SYT1: variants seen among roughly 807,000 people sequenced by gnomAD.
The protein encoded by SYT1 is synaptotagmin 1.
Under a neutral mutation model 44.8 loss-of-function variants are expected in SYT1, and 8 were observed. That is an observed-to-expected ratio of 0.18 (90% confidence interval 0.10 to 0.32). The LOEUF is 0.32. SYT1 is among the 10% of genes least tolerant of loss of function. The probability of loss-of-function intolerance (pLI) is 1.00; values close to 1 mark genes in which losing one functional copy is unlikely to be tolerated. For synonymous variants in SYT1, 154 were observed against 188.8 expected (o/e 0.82, Z 1.51); for missense variants, 286 against 509.3 (o/e 0.56, Z 4.22).
intron 4 of SYT1, among the ~76,000 whole-genome samples, chr12:79,223,496 C>T (rs1373350250): frequency 6.6e-6 from 1 of 152,142 alleles, no homozygotes; most frequent in Non-Finnish European, 1.5e-5. Context: ...AGGTATGGCA[C>T]TGGGGCAGAC....
Position 79,179,009 on chromosome 12 carries a change from TATATAGATATAGATATAGATATATAG to T in SYT1, c.-17-38476_-17-38451del, listed in dbSNP as rs1565841040. Reference sequence around the variant, plus strand: ...ATATCTATATAGATATAGATATAGATATATAGATATAGATATAGATATATAGATATAGATATAGATATATAGATATA... The same window carrying T: ...ATATCTATATAGATATAGATATAGATATATAGATATAGATATATAGATATA... On this transcript the variant is annotated intron_variant, in intron 3 of 10. Coordinates refer to ENST00000261205, the MANE Select transcript of SYT1 (RefSeq NM_005639.3). Among the ~76,000 whole-genome samples, 290 of 32,306 alleles carry T rather than the reference TATATAGATATAGATATAGATATATAG, an allele frequency of 9.0e-3. 69 individuals carry two copies. Among genetic ancestry groups the T allele is most frequent in the African/African-American group, 0.044 (238 of 5,440 alleles). The allele number at this position is 32,306 out of a possible 152,430, so 21.2% of individuals were successfully genotyped here.
At chr12:79,365,581 A>G (rs1883505975) in intron 9 of SYT1, among the ~76,000 whole-genome samples, 1 of 152,160 alleles carries the variant, frequency 6.6e-6, no homozygotes, top group Admixed American at 6.5e-5. Flanking sequence ...CCTGTAATAC[A>G]AAGAGTTTCT....
intron 9 of SYT1, among the ~76,000 whole-genome samples, chr12:79,388,726 A>T (rs936625730): frequency 1.3e-5 from 2 of 152,046 alleles, no homozygotes; most frequent in African/African-American, 4.8e-5. Flanking sequence ...ATAAATAAAT[A>T]AATTTTGTAG....
intron 4 of SYT1, among the ~76,000 whole-genome samples, chr12:79,225,227 T>C (rs1875448492): frequency 6.6e-6 from 1 of 151,960 alleles, no homozygotes; most frequent in African/African-American, 2.4e-5. Context: ...AATTATTCTA[T>C]AAGGACACTG....
At chr12:78,890,205 A>T (rs1349285584) in intron 1 of SYT1, among the ~76,000 whole-genome samples, 1 of 151,938 alleles carries the variant, frequency 6.6e-6, no homozygotes, top group Non-Finnish European at 1.5e-5. Flanking sequence ...TTCTATCCAA[A>T]AAAGTTATAA....
intron 4 of SYT1, among the ~76,000 whole-genome samples, chr12:79,272,000 A>G (rs1420799415): frequency 2.0e-5 from 3 of 152,210 alleles, no homozygotes; most frequent in African/African-American, 7.2e-5. Flanking sequence ...ATTTCTACCA[A>G]TGGGGAGCAG....
intron 9 of SYT1, among the ~76,000 whole-genome samples, chr12:79,361,686 T>G (rs747839249): frequency 1.3e-5 from 2 of 152,172 alleles, no homozygotes; most frequent in Non-Finnish European, 2.9e-5. Context: ...TTCTCCCTAA[T>G]GTACAGATTG....
At chr12:79,213,460 T>TCCTCA (rs997784437) in intron 3 of SYT1, among the ~76,000 whole-genome samples, 1 of 152,208 alleles carries the variant, frequency 6.6e-6, no homozygotes, top group Non-Finnish European at 1.5e-5. Context: ...TGACTTACTT[T>TCCTCA]CCTCACCTAT....
At chr12:79,300,224 T>G (rs573657328) in intron 8 of SYT1, among the ~76,000 whole-genome samples, 38 of 152,292 alleles carry the variant, frequency 2.5e-4, no homozygotes, top group African/African-American at 8.4e-4. Flanking sequence ...CAATTGTATC[T>G]GATTATGCGA....
chr12:79,333,582 G>A (rs1451341041), intron 8 of SYT1, among the ~76,000 whole-genome samples: 1 of 152,040 alleles, frequency 6.6e-6, no homozygotes, highest in Non-Finnish European at 1.5e-5. Context: ...AATCTAAAGA[G>A]GGTTTTTTTG....
At chr12:78,907,865 G>A (rs1436583759) in intron 1 of SYT1, among the ~76,000 whole-genome samples, 2 of 151,978 alleles carry the variant, frequency 1.3e-5, no homozygotes, top group African/African-American at 4.8e-5. Flanking sequence ...ATGACTGTTT[G>A]TACAAAGCAT....
chr12:79,329,104 G>A (rs1233837841), intron 8 of SYT1, among the ~76,000 whole-genome samples: 1 of 152,058 alleles, frequency 6.6e-6, no homozygotes. Flanking sequence ...GGCCACAGAG[G>A]GGTTAAGTGG....
At chr12:79,102,027 A>G (rs919154402) in intron 3 of SYT1, among the ~76,000 whole-genome samples, 6 of 152,296 alleles carry the variant, frequency 3.9e-5, no homozygotes, top group African/African-American at 1.4e-4. Context: ...ACCTATTCAT[A>G]AGGGTTGTAC....
intron 9 of SYT1, among the ~76,000 whole-genome samples, chr12:79,372,104 T>C (rs551983354): frequency 1.4e-4 from 21 of 152,360 alleles, no homozygotes; most frequent in African/African-American, 5.1e-4. Flanking sequence ...ACTGGAGTTA[T>C]CTCGTCCCAT....
intron 1 of SYT1, among the ~76,000 whole-genome samples, chr12:78,931,367 AG>A: frequency 9.5e-6 from 1 of 104,930 alleles, no homozygotes; most frequent in African/African-American, 3.7e-5. Context: ...GAAGGAAGGA[AG>A]GAAGGAAGGA....
chr12:78,920,727 C>T (rs930093360), intron 1 of SYT1, among the ~76,000 whole-genome samples: 33 of 151,860 alleles, frequency 2.2e-4, no homozygotes, highest in Non-Finnish European at 3.5e-4. Flanking sequence ...TGAAATTAAT[C>T]CCCTTTCTTT....
chr12:79,295,050 T>A (rs946305925), intron 6 of SYT1, among the ~76,000 whole-genome samples: 16 of 152,152 alleles, frequency 1.1e-4, no homozygotes. Context: ...GGGGAATTGC[T>A]TTTTTACTCT....
intron 3 of SYT1, among the ~76,000 whole-genome samples, chr12:79,186,282 T>C (rs1359337601): frequency 1.3e-5 from 2 of 152,064 alleles, no homozygotes; most frequent in East Asian, 1.9e-4. Flanking sequence ...AGTTTGTATT[T>C]TATTTATATT....
intron 3 of SYT1, among the ~76,000 whole-genome samples, chr12:79,216,859 A>G (rs1161651034): frequency 6.6e-6 from 1 of 152,200 alleles, no homozygotes; most frequent in African/African-American, 2.4e-5. Flanking sequence ...GACTTAAATA[A>G]TTACCCAGCA....
Sources: gnomAD v4.1 joint callset for allele counts (sites outside exome capture counted in the v4.1 genomes callset) on GRCh38, gnomAD v4.1.1 for gene constraint, MANE v1.5 for transcripts, NCBI Gene and HGNC (gene_info 2026-07-23, HGNC 2026-07-21) for gene names.